TRPA1: variants seen among roughly 807,000 people sequenced by gnomAD.
The protein encoded by TRPA1 is transient receptor potential cation channel subfamily A member 1, also known as ankyrin-like with transmembrane domains 1.
In TRPA1, 129 loss-of-function variants were observed where a neutral mutation model predicts 131.3. The ratio of observed to expected loss-of-function variants is 0.98; its 90% CI spans 0.85 to 1.14. The LOEUF (loss-of-function observed/expected upper bound fraction) is 1.14. Ranked by LOEUF, TRPA1 falls within the 50% of genes most tolerant of loss-of-function variation. The probability of loss-of-function intolerance (pLI) is 0.00; values close to 1 mark genes in which losing one functional copy is unlikely to be tolerated. For missense variants in TRPA1, 1,304 were observed against 1,354.2 expected (o/e 0.96, Z 0.58); for synonymous variants, 441 against 451.7 (o/e 0.98, Z 0.30).
At chr8:72,047,460 G>T (rs886389879) in intron 15 of TRPA1, among the ~76,000 whole-genome samples, 1 of 152,068 alleles carries the variant, frequency 6.6e-6, no homozygotes, top group Non-Finnish European at 1.5e-5. Flanking sequence ...AAAATTGCAT[G>T]TACTAAAATC....
chr8:72,031,083 G>C (rs778034642), intron 23 of TRPA1, among the ~76,000 whole-genome samples: 14 of 152,198 alleles, frequency 9.2e-5, no homozygotes, highest in Non-Finnish European at 1.8e-4. Flanking sequence ...GCTTAGTATA[G>C]AGCAGGGTAC....
chr8:72,061,907 T>C, intron 6 of TRPA1, 146 bp from the exon 7 acceptor site: 2 of 882,880 alleles, frequency 2.3e-6, no homozygotes, highest in East Asian at 2.7e-5. Context: ...TGAAATGTGA[T>C]AGATATTCCT....
chr8:72,085,551 T>C, the TRPA1 span, among the ~76,000 whole-genome samples: 10 of 152,128 alleles, frequency 6.6e-5, no homozygotes, highest in African/African-American at 2.4e-4. Context: ...ATTTCATTTT[T>C]ACTAGATATT....
chr8:72,051,459 G>A (rs1805505772), intron 14 of TRPA1, among the ~76,000 whole-genome samples: 1 of 152,050 alleles, frequency 6.6e-6, no homozygotes, highest in Non-Finnish European at 1.5e-5. Flanking sequence ...ATGGCAGGAG[G>A]CAAAGAATGG....
intron 22 of TRPA1, 111 bp from the exon 23 acceptor site, chr8:72,033,937 AG>A: frequency 9.5e-7 from 1 of 1,051,194 alleles, no homozygotes; most frequent in Non-Finnish European, 1.4e-6. Context: ...TTAAAGTCAT[AG>A]GCATATAGCT....
the TRPA1 span, among the ~76,000 whole-genome samples, chr8:72,083,578 C>T: frequency 7.8e-6 from 1 of 127,836 alleles, no homozygotes. Flanking sequence ...ACTAAAAATA[C>T]AAAAAAAAAA....
chr8:72,032,400 C>A (rs1265595562), intron 23 of TRPA1, among the ~76,000 whole-genome samples: 1 of 152,034 alleles, frequency 6.6e-6, no homozygotes, highest in African/African-American at 2.4e-5. Flanking sequence ...ATGTGACAGC[C>A]AAAGAATTAT....
intron 23 of TRPA1, 83 bp downstream of exon 23, chr8:72,033,561 A>G: frequency 7.8e-7 from 1 of 1,286,376 alleles, no homozygotes; most frequent in Non-Finnish European, 1.1e-6. Context: ...CAGTGGAGGA[A>G]GATTAAAGAA....
intron 13 of TRPA1, chr8:72,053,437 A>G (rs550471968): frequency 1.1e-4 from 43 of 396,130 alleles, no homozygotes; most frequent in South Asian, 9.2e-4. Flanking sequence ...ACTTATCTTA[A>G]TGAAAACTCA....
upstream of TRPA1, among the ~76,000 whole-genome samples, chr8:72,076,836 G>A (rs751865373): frequency 1.3e-5 from 2 of 152,184 alleles, no homozygotes; most frequent in Admixed American, 6.5e-5. Context: ...ATGGCTTGCT[G>A]GAGGATACAG....
At chr8:72,053,520 T>G in intron 13 of TRPA1, 1 of 547,772 alleles carries the variant, frequency 1.8e-6, no homozygotes. Flanking sequence ...CCTGTGGACC[T>G]CGCTGCTCTG....
chr8:72,080,027 G>T (rs548219921), upstream of TRPA1, among the ~76,000 whole-genome samples: 251 of 151,932 alleles, frequency 1.7e-3, 1 homozygote, highest in African/African-American at 5.7e-3. Flanking sequence ...TACTAACTTT[G>T]CTTATTAATT....
At chr8:72,048,507 G>C (rs931233489) in intron 15 of TRPA1, among the ~76,000 whole-genome samples, 5 of 152,094 alleles carry the variant, frequency 3.3e-5, no homozygotes, top group African/African-American at 1.2e-4. Flanking sequence ...GAAAAATAAA[G>C]ACAAGACTAG....
chr8:72,051,019 A>T, intron 14 of TRPA1, 148 bp from the exon 15 acceptor site: 1 of 640,406 alleles, frequency 1.6e-6, no homozygotes, highest in Non-Finnish European at 2.7e-6. Flanking sequence ...CAATGGAACC[A>T]ACATGTAAAG....
At chr8:72,078,091 TA>T (rs1165761049), upstream of TRPA1, among the ~76,000 whole-genome samples, 1 of 151,784 alleles carries the variant, frequency 6.6e-6, no homozygotes, top group African/African-American at 2.4e-5. Flanking sequence ...GAAAAAAATC[TA>T]AATTACCAAA....
chr8:72,076,930 T>TA (rs1417393756), upstream of TRPA1, among the ~76,000 whole-genome samples: 1 of 152,132 alleles, frequency 6.6e-6, no homozygotes, highest in Non-Finnish European at 1.5e-5. Flanking sequence ...CACAACTTGC[T>TA]ATGATTTAGT....
intron 13 of TRPA1, chr8:72,053,106 G>C (rs1422056725): frequency 3.2e-6 from 1 of 315,680 alleles, no homozygotes; most frequent in Admixed American, 4.5e-5. Flanking sequence ...CAAGGACAAA[G>C]GACAAGCTTT....
chr8:72,084,337 T>C, the TRPA1 span, among the ~76,000 whole-genome samples: 7 of 143,074 alleles, frequency 4.9e-5, no homozygotes, highest in African/African-American at 9.1e-5. Context: ...GGATTCATAG[T>C]ATCCTCATAA....
chr8:72,075,674 A>T, upstream of TRPA1: 1 of 507,968 alleles, frequency 2.0e-6, no homozygotes, highest in South Asian at 2.0e-5. Context: ...CTTCGCAAAG[A>T]GGGCGGCGGC....
Sources: allele counts gnomAD v4.1 joint callset (sites outside exome capture counted in the v4.1 genomes callset), GRCh38; gene constraint gnomAD v4.1.1; transcripts MANE v1.5; gene names NCBI Gene and HGNC (gene_info 2026-07-23, HGNC 2026-07-21).